Variants in SLC24A2 observed in about 807,000 individuals in gnomAD.
SLC24A2 encodes the protein solute carrier family 24 member 2.
In SLC24A2, 36 loss-of-function variants were observed where a neutral mutation model predicts 62.0. The ratio of observed to expected loss-of-function variants is 0.58; its 90% confidence interval spans 0.44 to 0.77. The LOEUF is 0.77. Ranked by LOEUF, SLC24A2 falls within the 30% of genes least tolerant of loss-of-function variation. SLC24A2 has a pLI of 0.00. For synonymous variants in SLC24A2, 358 were observed against 294.0 expected (o/e 1.22, Z -2.23); for missense variants, 846 against 817.9 (o/e 1.03, Z -0.42).
the SLC24A2 span, among the ~76,000 whole-genome samples, chr9:19,834,958 T>G: frequency 2.6e-5 from 4 of 152,184 alleles, no homozygotes; most frequent in Admixed American, 2.0e-4. Flanking sequence ...ACCCAGAATT[T>G]CATATCCAGC....
chr9:20,241,005 C>G, the SLC24A2 span, among the ~76,000 whole-genome samples: 2 of 152,202 alleles, frequency 1.3e-5, no homozygotes, highest in African/African-American at 4.8e-5. Context: ...CTTTCCTCAT[C>G]TCCTCCCTCA....
At chr9:20,273,420 A>G in the SLC24A2 span, among the ~76,000 whole-genome samples, 1 of 152,200 alleles carries the variant, frequency 6.6e-6, no homozygotes, top group Non-Finnish European at 1.5e-5. Flanking sequence ...GTCCCCACCC[A>G]AATCTCATCT....
chr9:20,119,072 A>G, the SLC24A2 span, among the ~76,000 whole-genome samples: 2 of 152,184 alleles, frequency 1.3e-5, no homozygotes, highest in Non-Finnish European at 2.9e-5. Context: ...GCAGCCTTCA[A>G]GAACTGAACG....
intron 7 of SLC24A2, among the ~76,000 whole-genome samples, chr9:19,571,387 A>G (rs1835832423): frequency 6.6e-6 from 1 of 151,802 alleles, no homozygotes. Context: ...TAAGGGTAAC[A>G]GGCAACAATT....
the SLC24A2 span, among the ~76,000 whole-genome samples, chr9:19,995,656 ATAT>A: frequency 6.6e-6 from 1 of 152,254 alleles, no homozygotes; most frequent in African/African-American, 2.4e-5. Context: ...CTTTACAGAA[ATAT>A]TATTCTGCTA....
intron 2 of SLC24A2, among the ~76,000 whole-genome samples, chr9:19,666,742 T>C (rs1228352395): frequency 6.6e-6 from 1 of 152,158 alleles, no homozygotes; most frequent in Non-Finnish European, 1.5e-5. Flanking sequence ...ACTAAAACCA[T>C]TATGTTTTTT....
At chr9:20,155,988 A>C in the SLC24A2 span, among the ~76,000 whole-genome samples, 24 of 151,822 alleles carry the variant, frequency 1.6e-4, no homozygotes, top group African/African-American at 5.3e-4. Context: ...ATTTATTTAT[A>C]ATTAGAATAC....
At chr9:20,105,453 G>T in the SLC24A2 span, among the ~76,000 whole-genome samples, 1 of 151,732 alleles carries the variant, frequency 6.6e-6, no homozygotes, top group East Asian at 1.9e-4. Context: ...TGGAAGTAAA[G>T]CTCTCCTCAG....
chr9:20,294,375 G>A, the SLC24A2 span, among the ~76,000 whole-genome samples: 2 of 152,114 alleles, frequency 1.3e-5, no homozygotes, highest in Non-Finnish European at 2.9e-5. Flanking sequence ...TATTTCAAAG[G>A]GGCTGATTGT....
At chr9:19,549,744 G>C (rs1168678485) in intron 8 of SLC24A2, among the ~76,000 whole-genome samples, 1 of 152,186 alleles carries the variant, frequency 6.6e-6, no homozygotes, top group African/African-American at 2.4e-5. Context: ...TTCTACTTCA[G>C]GCCACAGACA....
At chr9:19,944,950 T>C in the SLC24A2 span, among the ~76,000 whole-genome samples, 1 of 152,200 alleles carries the variant, frequency 6.6e-6, no homozygotes, top group African/African-American at 2.4e-5. Context: ...ACCCTGTATG[T>C]ATCTTATCAG....
chr9:20,161,167 G>A, the SLC24A2 span, among the ~76,000 whole-genome samples: 1 of 151,204 alleles, frequency 6.6e-6, no homozygotes, highest in Non-Finnish European at 1.5e-5. Context: ...ATGAAAATAA[G>A]CTTTGACAAA....
the SLC24A2 span, among the ~76,000 whole-genome samples, chr9:19,942,508 G>C: frequency 6.6e-6 from 1 of 152,144 alleles, no homozygotes; most frequent in African/African-American, 2.4e-5. Context: ...CAATCCAGGT[G>C]GTGGGTACAT....
chr9:20,282,540 T>C, the SLC24A2 span, among the ~76,000 whole-genome samples: 2 of 152,204 alleles, frequency 1.3e-5, no homozygotes, highest in Admixed American at 6.5e-5. Context: ...CTATCAGTGA[T>C]AGAAATGCAA....
chr9:19,953,665 A>G, the SLC24A2 span, among the ~76,000 whole-genome samples: 1 of 152,118 alleles, frequency 6.6e-6, no homozygotes, highest in Non-Finnish European at 1.5e-5. Flanking sequence ...AATAACAAGT[A>G]GCCATTAAAT....
chr9:19,851,018 T>TAC, the SLC24A2 span, among the ~76,000 whole-genome samples: 11 of 73,252 alleles, frequency 1.5e-4, no homozygotes, highest in African/African-American at 4.4e-4. Flanking sequence ...CATATATATA[T>TAC]ATATACATAT....
chr9:19,708,278 A>T (rs1410256394), intron 2 of SLC24A2, among the ~76,000 whole-genome samples: 3 of 152,184 alleles, frequency 2.0e-5, no homozygotes, highest in Non-Finnish European at 2.9e-5. Flanking sequence ...ATGGAAGAAC[A>T]TTCCATGCTC....
chr9:19,610,179 G>GA (rs966422836), intron 4 of SLC24A2, among the ~76,000 whole-genome samples: 1 of 151,328 alleles, frequency 6.6e-6, no homozygotes, highest in Admixed American at 6.6e-5. Context: ...TTGTTACAAT[G>GA]AAAAAATGTA....
the SLC24A2 span, among the ~76,000 whole-genome samples, chr9:19,920,188 G>A: frequency 1.3e-5 from 2 of 151,850 alleles, no homozygotes; most frequent in African/African-American, 2.4e-5. Context: ...TTAAGTGCAG[G>A]GGCATAGAAA....
Sources: gnomAD v4.1 joint callset for allele counts (sites outside exome capture counted in the v4.1 genomes callset) on GRCh38, gnomAD v4.1.1 for gene constraint, MANE v1.5 for transcripts, NCBI Gene and HGNC (gene_info 2026-07-23, HGNC 2026-07-21) for gene names.